The following AGO2 variants were observed in gnomAD, a reference collection of about 807,000 sequenced individuals.
AGO2 encodes the protein protein argonaute-2.
A neutral mutation model predicts 102.3 loss-of-function variants in AGO2; 5 were observed. The ratio of observed to expected loss-of-function variants is 0.05; its 90% confidence interval spans 0.03 to 0.10. The LOEUF is 0.10. Among genes scored for constraint, AGO2 ranks in the 10% least tolerant of loss-of-function variants. The pLI is 1.00. For synonymous variants in AGO2, 449 were observed against 473.1 expected (o/e 0.95, Z 0.66); for missense variants, 541 against 1,183.7 (o/e 0.46, Z 7.97).
intron 16 of AGO2, among the ~76,000 whole-genome samples, chr8:140,538,021 T>A (rs1186173899): frequency 6.6e-6 from 1 of 152,132 alleles, no homozygotes; most frequent in Admixed American, 6.5e-5. Flanking sequence ...GGTTTCGCCA[T>A]GTTGGCCAGG....
At chr8:140,562,753 A>C in intron 3 of AGO2, 119 bp from the exon 4 acceptor site, 7 of 1,160,484 alleles carry the variant, frequency 6.0e-6, no homozygotes, top group Non-Finnish European at 8.5e-6. Context: ...CCAGGCCTCT[A>C]GCCAACCACT....
chr8:140,545,814 A>T (rs1234893945), intron 13 of AGO2, among the ~76,000 whole-genome samples: 3 of 152,216 alleles, frequency 2.0e-5, no homozygotes, highest in Non-Finnish European at 4.4e-5. Flanking sequence ...CGAGGCCACC[A>T]GCCCCTCTCG....
rs1431162238 is a variant in AGO2, at chr8:140,531,542, A to G, written c.*502T>C. 2 of 155,710 alleles carry G rather than the reference A, an allele frequency of 1.3e-5. No homozygotes were observed. The highest frequency in any genetic ancestry group is 2.9e-5 in the Non-Finnish European group (2 of 70,024). The allele number at this position is 155,710 out of a possible 1,614,324, so 9.6% of individuals were successfully genotyped here. A position where few individuals can be genotyped will look rare whatever the true frequency, so the allele number is the denominator to read the frequency against. ...TCGAGGAACTTGGGTGAGCCACGCC[A>G]GGGGCACACGAGCATCGCCTGGAAA... On this transcript the variant is annotated 3_prime_UTR_variant, in exon 19 of 19. Coordinates refer to ENST00000220592, the MANE Select transcript of AGO2 (RefSeq NM_012154.5).
chr8:140,607,451 AGAAAAATT>A (rs2074014683), intron 1 of AGO2, among the ~76,000 whole-genome samples: 1 of 92,010 alleles, frequency 1.1e-5, no homozygotes. Flanking sequence ...CACCTCTTAA[AGAAAAATT>A]ATATATATAT....
intron 16 of AGO2, 42 bp from the exon 17 acceptor site, chr8:140,535,611 G>A (rs367860081): frequency 4.7e-5 from 76 of 1,603,736 alleles, no homozygotes; most frequent in Middle Eastern, 1.7e-4. Flanking sequence ...GCCAGGGACC[G>A]GCAGAGCCAA....
rs900051163 is a variant in AGO2 at position 140,634,975 on chromosome 8, C to T, written c.22+510G>A. ...GGGACCGGCGCAGCCCCCTCCCCTC[C>T]CGCCCGTGCGCGCCCCGAGCCGGGC... is the stretch of plus-strand genomic sequence containing the variant. On this transcript the variant is annotated intron_variant, in intron 1 of 18. Transcript: ENST00000220592. Among the ~76,000 whole-genome samples, 27 of 151,988 alleles carry T rather than the reference C, an allele frequency of 1.8e-4. No individual in the cohort carries two copies. In the East Asian group the frequency reaches 4.8e-3, roughly 27 times the overall value.
chr8:140,558,891 A>T (rs1263479198), intron 6 of AGO2, among the ~76,000 whole-genome samples: 1 of 152,156 alleles, frequency 6.6e-6, no homozygotes, highest in Non-Finnish European at 1.5e-5. Context: ...GGCCTTCCAA[A>T]AGGACGGGTT....
At chr8:140,548,687 C>T (rs2072944256) in intron 12 of AGO2, among the ~76,000 whole-genome samples, 2 of 152,328 alleles carry the variant, frequency 1.3e-5, no homozygotes, top group South Asian at 4.1e-4. Flanking sequence ...GTGGGTGACC[C>T]CCTGGCATGG....
chr8:140,539,355 G>T lies in AGO2; in HGVS notation c.2134C>A (p.His712Asn). The T allele has an allele frequency of 6.2e-7, 1 of 1,613,804 alleles. No homozygotes were observed. The highest frequency in any genetic ancestry group is 1.1e-5 in the South Asian group (1 of 91,052). ...ITFIVVQKRHHTRLFCTDKNE... is the reference protein window; with the variant it reads ...ITFIVVQKRHNTRLFCTDKNE... ...TTGTCAGTGCAGAAGAGCCGGGTGTGGTGCCTCTTCTGCACCACGATGAAG... is the reference window on the plus strand; with the variant it reads ...TTGTCAGTGCAGAAGAGCCGGGTGTTGTGCCTCTTCTGCACCACGATGAAG... Residue 712 changes from histidine to asparagine, a missense_variant, in exon 16 of 19, where the codon CAC becomes AAC. Coordinates refer to ENST00000220592, the MANE Select transcript of AGO2 (RefSeq NM_012154.5). The surrounding 1 kb of genome is among the most constrained non-coding windows in gnomAD (Gnocchi z 4.7).
chr8:140,631,074 A>C (rs2074334972), intron 1 of AGO2, among the ~76,000 whole-genome samples: 1 of 152,034 alleles, frequency 6.6e-6, no homozygotes, highest in East Asian at 1.9e-4. Flanking sequence ...ACAAAACAAA[A>C]CACCACTTAA....
At position 140,628,316 on chromosome 8, in the gene AGO2, G is replaced by A. The variant is rs146272353; in HGVS notation, c.22+7169C>T. Among the ~76,000 whole-genome samples, 348 of 152,302 alleles carry A rather than the reference G, an allele frequency of 2.3e-3. 2 individuals are homozygous for A. The highest frequency in any genetic ancestry group is 7.6e-3 in the African/African-American group (317 of 41,558). ...GCTTCCCCAGGGAACGAACACCCACGTGTGTGAGGCCCCAGGAATGAGGAG... is the reference window on the plus strand; with the variant it reads ...GCTTCCCCAGGGAACGAACACCCACATGTGTGAGGCCCCAGGAATGAGGAG... On this transcript the variant is annotated intron_variant, in intron 1 of 18. Transcript: ENST00000220592.
intron 13 of AGO2, 66 bp from the exon 14 acceptor site, chr8:140,544,369 C>A: frequency 7.4e-7 from 1 of 1,349,036 alleles, no homozygotes; most frequent in Non-Finnish European, 1.0e-6. Context: ...CTAGTAGGTG[C>A]CACCATCACC....
At chr8:140,605,393 G>A (rs755593714) in intron 1 of AGO2, among the ~76,000 whole-genome samples, 7 of 152,140 alleles carry the variant, frequency 4.6e-5, no homozygotes, top group Admixed American at 3.9e-4. Context: ...CAATGCACCC[G>A]CCCTTAAAAG....
intron 3 of AGO2, among the ~76,000 whole-genome samples, chr8:140,565,024 C>T (rs1226192857): frequency 1.3e-5 from 2 of 152,062 alleles, no homozygotes; most frequent in African/African-American, 2.4e-5. Flanking sequence ...ATCCCAGCTA[C>T]TTGGGAGGCT....
intron 1 of AGO2, among the ~76,000 whole-genome samples, chr8:140,619,130 G>T (rs2074181454): frequency 6.6e-6 from 1 of 152,036 alleles, no homozygotes. Flanking sequence ...TGCCATGGAA[G>T]GAGGAGGCCC....
chr8:140,559,695 A>G (rs1477338505), intron 5 of AGO2, among the ~76,000 whole-genome samples, 166 bp from the exon 6 acceptor site: 2 of 152,196 alleles, frequency 1.3e-5, no homozygotes, highest in Non-Finnish European at 2.9e-5. Context: ...CGGGCAGGCC[A>G]GCAGTGACAA....
At chr8:140,552,933 G>T (rs369824270) in intron 10 of AGO2, among the ~76,000 whole-genome samples, 5 of 152,220 alleles carry the variant, frequency 3.3e-5, no homozygotes, top group African/African-American at 1.2e-4. Flanking sequence ...CCCCTGGGGG[G>T]CAAAATCATC....
At chr8:140,612,856 G>A (rs2074098616) in intron 1 of AGO2, among the ~76,000 whole-genome samples, 1 of 151,960 alleles carries the variant, frequency 6.6e-6, no homozygotes, top group African/African-American at 2.4e-5. Context: ...CTCCCTTCCA[G>A]CTACATAGCT....
rs73713188 is a variant in AGO2 at position 140,561,876 on chromosome 8, C to T, written c.518+577G>A. ...AGGGCAGGTGTGCTGAGGGCTGACGCGCTGAGCTGGCCTTGCTCCTGCAAC... is the reference window on the plus strand; with the variant it reads ...AGGGCAGGTGTGCTGAGGGCTGACGTGCTGAGCTGGCCTTGCTCCTGCAAC... On this transcript the variant is annotated intron_variant, in intron 4 of 18. Coordinates refer to ENST00000220592, the MANE Select transcript of AGO2 (RefSeq NM_012154.5). 5.2e-3 allele frequency among the ~76,000 whole-genome samples: 792 copies of T among 152,340 alleles called. 8 individuals carry two copies. Among genetic ancestry groups the T allele is most frequent in the African/African-American group, 0.018 (753 of 41,578 alleles).
Sources: gnomAD v4.1 joint callset for allele counts (sites outside exome capture counted in the v4.1 genomes callset) on GRCh38, gnomAD v4.1.1 for gene constraint, Gnocchi (gnomAD v3.1) non-coding constraint, MANE v1.5 for transcripts, NCBI Gene and HGNC (gene_info 2026-07-23, HGNC 2026-07-21) for gene names.